Variants in KIF26B observed in about 807,000 individuals in gnomAD.
KIF26B encodes kinesin family member 26B, also known as kinesin-like protein KIF26B.
KIF26B carries 63 observed loss-of-function variants against 151.2 expected under a neutral mutation model. The observed-to-expected ratio is 0.42, with a 90% CI of 0.34 to 0.51. The LOEUF (loss-of-function observed/expected upper bound fraction) is 0.51. Ranked by LOEUF, KIF26B falls within the 20% of genes least tolerant of loss-of-function variation. The pLI is 0.07. For missense variants in KIF26B, 2,813 were observed against 2,913.6 expected, an observed-to-expected ratio of 0.97 and a Z score of 0.79; for synonymous variants, 1,357 against 1,262.1, an observed-to-expected ratio of 1.08 and a Z score of -1.59.
At position 245,684,249 on chromosome 1, in the gene KIF26B, A is replaced by G. The variant is rs2044477249; in HGVS notation, c.2275A>G (p.Met759Val). 1.2e-6 allele frequency: 2 copies of G among 1,613,272 alleles called. No homozygotes were observed. Among genetic ancestry groups the G allele is most frequent in the East Asian group, 2.2e-5 (1 of 44,866 alleles). ...GTTTGGCAGAGAGAGCAAGCTCGCCATGTTGCTGCGGGAGTCTCTGGGGAA... is the reference window on the plus strand; with the variant it reads ...GTTTGGCAGAGAGAGCAAGCTCGCCGTGTTGCTGCGGGAGTCTCTGGGGAA... ...HIPYKESKLA[M>V]LLRESLGNMN... is the part of the protein sequence containing the mutation. Residue 759 changes from methionine (M) to valine (V), a missense_variant, in exon 11 of 15, where the codon ATG becomes GTG. Met to Val is a conservative substitution (Grantham distance 21, BLOSUM62 1). Coordinates refer to ENST00000407071, the MANE Select transcript of KIF26B (RefSeq NM_018012.4).
intron 3 of KIF26B, among the ~76,000 whole-genome samples, chr1:245,374,916 A>C (rs1264320262): frequency 6.6e-6 from 1 of 152,070 alleles, no homozygotes; most frequent in Admixed American, 6.6e-5. Flanking sequence ...GGAAACTTCA[A>C]AAATACGTTC....
intron 2 of KIF26B, among the ~76,000 whole-genome samples, chr1:245,336,182 G>A (rs1305379922): frequency 6.6e-6 from 1 of 152,014 alleles, no homozygotes; most frequent in Non-Finnish European, 1.5e-5. Flanking sequence ...AGGGAAAGGA[G>A]AGTCCCACGC....
Position 245,170,137 on chromosome 1 carries a change from C to T in KIF26B, c.465+13454C>T, listed in dbSNP as rs1041097205. 3.9e-5 allele frequency among the ~76,000 whole-genome samples: 6 copies of T among 152,054 alleles called. No homozygotes were observed. Among genetic ancestry groups the T allele is most frequent in the Non-Finnish European group, 8.8e-5 (6 of 68,004 alleles). ...AGGATGGGACGGTGGTGACAAATGG[C>T]GGGATGGGAGATGATGCCTGGGTGA... On this transcript the variant is annotated intron_variant, in intron 2 of 14. Transcript: ENST00000407071. This position sits in a 1 kb window ranked among gnomAD's most constrained non-coding sequence, Gnocchi z 4.4.
At chr1:245,435,788 G>T (rs955237006) in intron 4 of KIF26B, among the ~76,000 whole-genome samples, 1 of 152,164 alleles carries the variant, frequency 6.6e-6, no homozygotes, top group African/African-American at 2.4e-5. Flanking sequence ...TAGGTCCGAG[G>T]TGGCCACTTC....
Position 245,684,401 on chromosome 1 carries a change from G to A in KIF26B, c.2421+6G>A. ...TGAAGAAAAAGAAGACGAAGGTAAG[G>A]AGCTCGCGGGGTGGGGGGGTGGTGG... On this transcript the variant is annotated splice_donor_region_variant and intron_variant, in intron 11 of 14. Coordinates refer to ENST00000407071, the MANE Select transcript of KIF26B (RefSeq NM_018012.4). 1 of 1,584,590 alleles carries A rather than the reference G, an allele frequency of 6.3e-7. No homozygotes were observed. The highest frequency in any genetic ancestry group is 8.6e-7 in the Non-Finnish European group (1 of 1,162,970).
At position 245,496,022 on chromosome 1, in the gene KIF26B, T is replaced by G. The variant is rs193165507; in HGVS notation, c.1167-44745T>G. ...AATAAAGACATTTCAGGACAAAAAT[T>G]GAAAGAATCCATCATCAGTAGACCA... is the stretch of plus-strand genomic sequence containing the variant. On this transcript the variant is annotated intron_variant, in intron 4 of 14. Coordinates refer to ENST00000407071, the MANE Select transcript of KIF26B (RefSeq NM_018012.4). Among the ~76,000 whole-genome samples the G allele has an allele frequency of 5.9e-5, 9 of 152,164 alleles. No homozygotes were observed. In the East Asian group the frequency reaches 1.4e-3, roughly 23 times the overall value.
At position 245,687,217 on chromosome 1, in the gene KIF26B, G is replaced by A. The variant is rs374646652; in HGVS notation, c.4234G>A (p.Ala1412Thr). The A allele has an allele frequency of 1.4e-5, 22 of 1,610,826 alleles. No individual in the cohort carries two copies. Among genetic ancestry groups the A allele is most frequent in the Admixed American group, 1.0e-4 (6 of 59,842 alleles). ...RNIQEPEAPT[A>T]TPKAGPTLAQ... The stretch of plus-strand genomic sequence containing the variant: ...CATCCAAGAGCCGGAGGCCCCCACC[G>A]CCACCCCCAAAGCAGGCCCCACATT... The change falls in exon 12 of 15, where the codon GCC (alanine) becomes ACC (threonine). Residue 1412 changes from alanine (A) to threonine (T), a missense_variant. By Grantham distance (58) the Ala-to-Thr change is moderately conservative (BLOSUM62 0). Transcript: ENST00000407071. The surrounding 1 kb of genome is among the most constrained non-coding windows in gnomAD (Gnocchi z 4.9).
At chr1:245,678,410 C>T (rs565227984) in intron 10 of KIF26B, among the ~76,000 whole-genome samples, 9 of 152,198 alleles carry the variant, frequency 5.9e-5, no homozygotes, top group South Asian at 4.2e-4. Context: ...TTACTGGAAT[C>T]GATGTAGTTC....
chr1:245,540,960 T>TCCG lies in KIF26B; in HGVS notation c.1350+14_1350+16dup, dbSNP rs1661606294. 6 of 1,597,554 alleles carry TCCG rather than the reference T, an allele frequency of 3.8e-6. No homozygotes were observed. In the East Asian group the frequency reaches 1.3e-4, roughly 36 times the overall value. On this transcript the variant is annotated intron_variant, in intron 5 of 14. Transcript: ENST00000407071. The surrounding 1 kb of genome is among the most constrained non-coding windows in gnomAD (Gnocchi z 4.6). ...CCCGGGGCTGGGCAAGGTAGGACCA[T>TCCG]CCGCCGTCCCTGCCATTTGCCCAGT...
intron 10 of KIF26B, among the ~76,000 whole-genome samples, chr1:245,646,596 G>A (rs2103185589): frequency 1.3e-5 from 2 of 152,302 alleles, no homozygotes; most frequent in South Asian, 4.2e-4. Context: ...AGATGTGCCT[G>A]TTTCATAGTG....
chr1:245,298,098 G>C (rs1350105349), intron 2 of KIF26B, among the ~76,000 whole-genome samples: 3 of 151,268 alleles, frequency 2.0e-5, no homozygotes. Flanking sequence ...TGTTGGCCAG[G>C]CTGGTCTCAA....
intron 4 of KIF26B, among the ~76,000 whole-genome samples, chr1:245,523,033 A>G (rs1661162815): frequency 6.6e-6 from 1 of 152,212 alleles, no homozygotes; most frequent in Non-Finnish European, 1.5e-5. Context: ...GAACTTTGCA[A>G]CAATTCCATG....
chr1:245,202,091 C>T (rs1669309865), intron 2 of KIF26B, among the ~76,000 whole-genome samples: 1 of 152,206 alleles, frequency 6.6e-6, no homozygotes, highest in Non-Finnish European at 1.5e-5. Context: ...TCAATTATCC[C>T]ATTTTCGAGG....
chr1:245,696,430 G>A lies in KIF26B; in HGVS notation c.5825-1676G>A, dbSNP rs541592711. On this transcript the variant is annotated intron_variant, in intron 12 of 14. Transcript: ENST00000407071. The stretch of plus-strand genomic sequence containing the variant: ...TAGCTGACAGCTTGCCTGCGACTCC[G>A]AGAGGCTCTGAGCCAGAACCACCTG... Among the ~76,000 whole-genome samples, 39 of 152,274 alleles carry A rather than the reference G, an allele frequency of 2.6e-4. No individual in the cohort carries two copies. In the South Asian group the frequency reaches 5.6e-3, roughly 22 times the overall value.
intron 4 of KIF26B, among the ~76,000 whole-genome samples, chr1:245,499,196 T>G (rs1660570072): frequency 6.6e-6 from 1 of 152,148 alleles, no homozygotes. Flanking sequence ...TCAATGTCCT[T>G]AGCGTTGACT....
Position 245,480,595 on chromosome 1 carries a change from C to T in KIF26B, c.1167-60172C>T, listed in dbSNP as rs571850756. 9.9e-5 allele frequency among the ~76,000 whole-genome samples: 15 copies of T among 151,720 alleles called. No homozygotes were observed. The South Asian group carries it at 3.2e-3, about 32-fold the overall frequency. ...AGTTGAAGTGTTGCACTAATGCTTT[C>T]CAAGAGTCAGAGCTGGCAGAGTGAC... On this transcript the variant is annotated intron_variant, in intron 4 of 14. Transcript: ENST00000407071.
At position 245,244,750 on chromosome 1, in the gene KIF26B, G is replaced by GTACACTCACA; in HGVS notation, c.465+88067_465+88068insTACACTCACA. 1.7e-5 allele frequency among the ~76,000 whole-genome samples: 1 copy of GTACACTCACA among 59,556 alleles called. No homozygotes were observed. The highest frequency in any genetic ancestry group is 5.5e-5 in the African/African-American group (1 of 18,324). The allele number at this position is 59,556 out of a possible 152,430, so 39.1% of individuals were successfully genotyped here. On this transcript the variant is annotated intron_variant, in intron 2 of 14. Coordinates refer to ENST00000407071, the MANE Select transcript of KIF26B (RefSeq NM_018012.4). This position sits in a 1 kb window ranked among gnomAD's most constrained non-coding sequence, Gnocchi z 4.2. ...TTTGTGAGAAGGAACACACAGACAC[G>GTACACTCACA]CACACTCACACACACACACACACAC...
intron 10 of KIF26B, among the ~76,000 whole-genome samples, chr1:245,664,289 G>A (rs138626120): frequency 0.02 from 3,099 of 151,522 alleles, 115 homozygotes; most frequent in African/African-American, 0.071. Flanking sequence ...AACCCGGGAG[G>A]TGGAGGTTGC....
chr1:245,589,953 G>C (rs1043053238), intron 5 of KIF26B, among the ~76,000 whole-genome samples: 17 of 152,234 alleles, frequency 1.1e-4, no homozygotes, highest in Admixed American at 8.5e-4. Context: ...CCTGGGTCCT[G>C]TTGTTCTCCA....
Sources: gnomAD v4.1 joint callset for allele counts (sites outside exome capture counted in the v4.1 genomes callset) on GRCh38, gnomAD v4.1.1 for gene constraint, Gnocchi (gnomAD v3.1) non-coding constraint, MANE v1.5 for transcripts, NCBI Gene and HGNC (gene_info 2026-07-23, HGNC 2026-07-21) for gene names.